Variants in HS3ST5 observed in about 807,000 individuals in gnomAD.
HS3ST5 encodes the protein heparan sulfate-glucosamine 3-sulfotransferase 5.
HS3ST5 carries 10 observed loss-of-function variants against 25.4 expected under a neutral mutation model. That is an observed-to-expected ratio of 0.39 (90% confidence interval 0.24 to 0.67). The LOEUF is 0.67. Among genes scored for constraint, HS3ST5 ranks in the 30% least tolerant of loss-of-function variants. The pLI, the probability that HS3ST5 is intolerant of heterozygous loss-of-function variation, is 0.44. For synonymous variants in HS3ST5, 170 were observed against 162.4 expected (o/e 1.05, Z -0.36); for missense variants, 324 against 420.7 (o/e 0.77, Z 2.01).
intron 3 of HS3ST5, among the ~76,000 whole-genome samples, chr6:114,069,842 A>G (rs1010408572): frequency 2.0e-5 from 3 of 152,176 alleles, no homozygotes; most frequent in Admixed American, 6.5e-5. Context: ...TTTTTAAAAA[A>G]TAATTTCAAT....
rs547445638 is a variant in HS3ST5, at chr6:114,187,113, A to G, written c.-144-18651T>C. Among the ~76,000 whole-genome samples, 4 of 152,326 alleles carry G rather than the reference A, an allele frequency of 2.6e-5. No homozygotes were observed. The East Asian group carries it at 7.7e-4, about 29-fold the overall frequency. ...CCCAAGAGTTCTGATGGTGATATAC[A>G]AGGAGGTTAATCTTGTTTTCATGCC... On this transcript the variant is annotated intron_variant, in intron 2 of 4. Coordinates refer to ENST00000312719, the MANE Select transcript of HS3ST5 (RefSeq NM_153612.4).
At chr6:114,100,590 T>G (rs1275498262) in intron 3 of HS3ST5, among the ~76,000 whole-genome samples, 3 of 152,220 alleles carry the variant, frequency 2.0e-5, no homozygotes, top group Non-Finnish European at 4.4e-5. Flanking sequence ...TAACATACCA[T>G]GTTTCTTGGG....
chr6:114,209,997 T>C (rs1202442720), intron 2 of HS3ST5, among the ~76,000 whole-genome samples: 2 of 152,174 alleles, frequency 1.3e-5, no homozygotes, highest in Admixed American at 1.3e-4. Context: ...TTTGACACCA[T>C]ACCAGGTTGT....
At chr6:114,264,017 C>T (rs920797364) in intron 1 of HS3ST5, among the ~76,000 whole-genome samples, 17 of 152,178 alleles carry the variant, frequency 1.1e-4, no homozygotes, top group African/African-American at 3.6e-4. Context: ...AGCTTTATAT[C>T]GTGTCTCTTT....
intron 3 of HS3ST5, among the ~76,000 whole-genome samples, chr6:114,160,479 C>A (rs1246549081): frequency 1.3e-5 from 2 of 152,084 alleles, no homozygotes; most frequent in African/African-American, 4.8e-5. Context: ...CCCCCAACTA[C>A]ATTTAGAGAA....
chr6:114,235,580 G>A (rs1771817926), intron 1 of HS3ST5: 1 of 152,180 alleles, frequency 6.6e-6, no homozygotes, highest in Admixed American at 6.5e-5. Flanking sequence ...AGGAAGGGGA[G>A]GGCTAGATGA....
At chr6:114,332,390 T>A (rs537804069) in intron 1 of HS3ST5, among the ~76,000 whole-genome samples, 1 of 152,318 alleles carries the variant, frequency 6.6e-6, no homozygotes, top group East Asian at 1.9e-4. Context: ...GGCTTACAAG[T>A]TCTTTGATAA....
At chr6:114,190,068 C>T (rs558879545) in intron 2 of HS3ST5, among the ~76,000 whole-genome samples, 2 of 152,294 alleles carry the variant, frequency 1.3e-5, no homozygotes, top group South Asian at 4.1e-4. Context: ...TGTAGCTAAA[C>T]TCTTAGTTAA....
Position 114,057,981 on chromosome 6 carries a change from A to T in HS3ST5, c.317T>A (p.Leu106Gln). The change falls in exon 5 of 5, where the codon CTG becomes CAG. Residue 106 changes from leucine to glutamine, a missense_variant. Leu to Gln is a moderately radical substitution (Grantham distance 113). This residue lies in a region of HS3ST5 where 203 missense variants were observed against 303.4 expected (regional missense o/e 0.67). Coordinates refer to ENST00000312719, the MANE Select transcript of HS3ST5 (RefSeq NM_153612.4). ...IGVRKGGTRALLEMLNLHPAV... is the reference protein window; with the variant it reads ...IGVRKGGTRAQLEMLNLHPAV... ...CGGATGTAGGTTCAGCATTTCAAGC[A>T]GGGCCCTTGTGCCTCCTTTCCTCAC... 1 of 1,614,208 alleles carries T rather than the reference A, an allele frequency of 6.2e-7. No individual in the cohort carries two copies. Among genetic ancestry groups the T allele is most frequent in the Non-Finnish European group, 8.5e-7 (1 of 1,180,026 alleles).
rs139610608 is a variant in HS3ST5, at chr6:114,091,855, G to T, written c.-32-28978C>A. Among the ~76,000 whole-genome samples, 12 of 152,218 alleles carry T rather than the reference G, an allele frequency of 7.9e-5. No homozygotes were observed. The East Asian group carries it at 1.4e-3, about 17-fold the overall frequency. On this transcript the variant is annotated intron_variant, in intron 3 of 4. Coordinates refer to ENST00000312719, the MANE Select transcript of HS3ST5 (RefSeq NM_153612.4). ...CTCACACTGGGGAACAAGCAAAGAG[G>T]TCAGAGCATAGCAGCCACAGAGAAC...
chr6:114,329,416 G>T (rs973001286), intron 1 of HS3ST5, among the ~76,000 whole-genome samples: 2 of 152,160 alleles, frequency 1.3e-5, no homozygotes, highest in African/African-American at 4.8e-5. Flanking sequence ...GCAATGTCAG[G>T]ACAAGCATAA....
At chr6:114,149,189 T>TG (rs1405147627) in intron 3 of HS3ST5, among the ~76,000 whole-genome samples, 1 of 152,216 alleles carries the variant, frequency 6.6e-6, no homozygotes, top group African/African-American at 2.4e-5. Context: ...CTCAAGGATC[T>TG]AGAACCAGAA....
chr6:114,085,977 A>G (rs1194134528), intron 3 of HS3ST5, among the ~76,000 whole-genome samples: 1 of 120,844 alleles, frequency 8.3e-6, no homozygotes, highest in African/African-American at 3.1e-5. Flanking sequence ...AAAAACTTCT[A>G]TATCTGTTCT....
chr6:114,063,650 T>C (rs1259222921), intron 3 of HS3ST5, among the ~76,000 whole-genome samples: 1 of 152,192 alleles, frequency 6.6e-6, no homozygotes, highest in Non-Finnish European at 1.5e-5. Context: ...AATGACATAT[T>C]TTAATTACAT....
At chr6:114,085,867 C>T (rs1428169353) in intron 3 of HS3ST5, among the ~76,000 whole-genome samples, 2 of 151,206 alleles carry the variant, frequency 1.3e-5, no homozygotes, top group African/African-American at 4.9e-5. Context: ...ACCTATTCTA[C>T]CATACTATCA....
chr6:114,094,933 G>A (rs1276815289), intron 3 of HS3ST5, among the ~76,000 whole-genome samples: 2 of 152,162 alleles, frequency 1.3e-5, no homozygotes, highest in Non-Finnish European at 2.9e-5. Context: ...TGAACCTTCA[G>A]CTGCTAGAAA....
intron 3 of HS3ST5, among the ~76,000 whole-genome samples, chr6:114,073,011 T>C (rs1773912193): frequency 6.6e-6 from 1 of 152,194 alleles, no homozygotes; most frequent in Non-Finnish European, 1.5e-5. Context: ...CCATCTGATC[T>C]TTGACAAACC....
In HS3ST5 at chr6:114,316,998, AT is replaced by A. The variant is rs67387980; in HGVS notation, c.-339+25196del. Among the ~76,000 whole-genome samples the A allele has an allele frequency of 2.4e-3, 372 of 152,256 alleles. 3 individuals are homozygous for A. The highest frequency in any genetic ancestry group is 8.4e-3 in the African/African-American group (348 of 41,548). On this transcript the variant is annotated intron_variant, in intron 1 of 4. Coordinates refer to ENST00000312719, the MANE Select transcript of HS3ST5 (RefSeq NM_153612.4). ...CAGTTAGTTAGAAAAATAAAATGAGATTTTCCTTTTAAAAGCAAATTATTCT... is the reference window on the plus strand; with the variant it reads ...CAGTTAGTTAGAAAAATAAAATGAGATTTCCTTTTAAAAGCAAATTATTCT...
At chr6:114,144,477 G>T (rs1778059383) in intron 3 of HS3ST5, among the ~76,000 whole-genome samples, 1 of 150,916 alleles carries the variant, frequency 6.6e-6, no homozygotes, top group Non-Finnish European at 1.5e-5. Context: ...TTGCATAATG[G>T]TCCCACACAG....
Sources: gnomAD v4.1 joint callset for allele counts (sites outside exome capture counted in the v4.1 genomes callset) on GRCh38, gnomAD v4.1.1 for gene constraint, gnomAD v4.1.1 regional missense constraint, MANE v1.5 for transcripts, NCBI Gene and HGNC (gene_info 2026-07-23, HGNC 2026-07-21) for gene names.